Variants in SRSF7 observed in about 807,000 individuals in gnomAD.
SRSF7 encodes serine/arginine-rich splicing factor 7.
SRSF7 carries 15 observed loss-of-function variants against 42.2 expected under a neutral mutation model. The observed-to-expected ratio is 0.36, with a 90% CI of 0.24 to 0.55. SRSF7 has a LOEUF of 0.55. Among genes scored for constraint, SRSF7 ranks in the 20% least tolerant of loss-of-function variants. SRSF7 has a pLI of 0.88. For missense variants in SRSF7, 181 were observed against 305.9 expected (o/e 0.59, Z 3.04); for synonymous variants, 138 against 107.9 (o/e 1.28, Z -1.73).
At chr2:38,746,105 C>T (rs1301098635) in intron 7 of SRSF7, 39 bp downstream of exon 7, 1 of 1,613,004 alleles carries the variant, frequency 6.2e-7, no homozygotes, top group Non-Finnish European at 8.5e-7. Context: ...AGAGGCCACA[C>T]TTGACAGGCA....
intron 2 of SRSF7, 36 bp from the exon 3 acceptor site, chr2:38,749,741 A>C: frequency 6.7e-7 from 1 of 1,501,570 alleles, no homozygotes. Flanking sequence ...CTAAAGTTAA[A>C]AATATATTCA....
At chr2:38,747,241 TTA>T in intron 5 of SRSF7, 1 of 340,592 alleles carries the variant, frequency 2.9e-6, no homozygotes, top group Non-Finnish European at 6.1e-6. Flanking sequence ...CTGGATCAAG[TTA>T]TGTTTGAGAG....
chr2:38,745,984 T>C (rs755071403), intron 7 of SRSF7, among the ~76,000 whole-genome samples, 160 bp downstream of exon 7: 5 of 151,992 alleles, frequency 3.3e-5, no homozygotes, highest in Middle Eastern at 6.8e-3. Context: ...CTAATGTTAC[T>C]GAATCAAAAA....
chr2:38,746,111 A>T (rs1558608082), intron 7 of SRSF7, 33 bp downstream of exon 7: 1 of 1,613,370 alleles, frequency 6.2e-7, no homozygotes. Context: ...CACACTTGAC[A>T]GGCAAGATTT....
chr2:38,748,571 G>C lies in SRSF7; in HGVS notation c.461+8C>G, dbSNP rs1051055251. 33 of 1,613,072 alleles carry C rather than the reference G, an allele frequency of 2.0e-5. No individual in the cohort carries two copies. The highest frequency in any genetic ancestry group is 1.3e-4 in the African/African-American group (10 of 74,894). On this transcript the variant is annotated splice_region_variant and intron_variant, in intron 4 of 7. Transcript: ENST00000313117. The stretch of plus-strand genomic sequence containing the variant: ...ATACAGAAAGACTTCAGTTAAACAA[G>C]ATCTCACCTTCGTCCCCTGCTCCTG...
intron 3 of SRSF7, 176 bp downstream of exon 3, chr2:38,749,353 G>A: frequency 6.5e-7 from 1 of 1,538,034 alleles, no homozygotes; most frequent in Non-Finnish European, 8.8e-7. Context: ...AAACCTGAAA[G>A]GTTTTGACCA....
chr2:38,744,392 A>G lies in SRSF7; in HGVS notation c.*741T>C. 1 of 152,644 alleles carries G rather than the reference A, an allele frequency of 6.6e-6. No homozygotes were observed. The highest frequency in any genetic ancestry group is 1.5e-5 in the Non-Finnish European group (1 of 68,038). The allele number at this position is 152,644 out of a possible 1,614,324, so 9.5% of individuals were successfully genotyped here. On this transcript the variant is annotated 3_prime_UTR_variant, in exon 8 of 8. Coordinates refer to ENST00000313117, the MANE Select transcript of SRSF7 (RefSeq NM_001031684.3). ...TGGTTAACTAATGTAGAAAGCAAAG[A>G]AACAAGACCATTGAGAGTAGAACTC...
chr2:38,746,177 CG>C lies in SRSF7; in HGVS notation c.628del (p.Arg210AspfsTer37). On this transcript the variant is annotated frameshift_variant and splice_region_variant, in exon 7 of 8. Coordinates refer to ENST00000313117, the MANE Select transcript of SRSF7 (RefSeq NM_001031684.3). LOFTEE classifies it high-confidence loss of function. Reference protein sequence around the residue: ...SRSISRPRSSRSKSRSPSPKR... With the variant: ...SRSISRPRSSXSKSRSPSPKR... ...TGGAGATGGAGATCTGGACTTTGAT[CG>C]GCTGTCAAAACATGAGAAATTCTAT... 1 of 1,613,986 alleles carries C rather than the reference CG, an allele frequency of 6.2e-7. No homozygotes were observed. Among genetic ancestry groups the C allele is most frequent in the Non-Finnish European group, 8.5e-7 (1 of 1,179,974 alleles).
At chr2:38,751,430 C>G (rs934775031), upstream of SRSF7, 3 of 825,546 alleles carry the variant, frequency 3.6e-6, no homozygotes, top group African/African-American at 3.4e-5. Context: ...TCTCGTTGTT[C>G]TGCGCGGCAC....
chr2:38,748,118 A>T lies in SRSF7; in HGVS notation c.501T>A (p.Ser167=). 6.2e-7 allele frequency: 1 copy of T among 1,614,046 alleles called. No homozygotes were observed. The highest frequency in any genetic ancestry group is 1.7e-5 in the Admixed American group (1 of 60,006). ...GTGAAGCTGATCTTGATCTACGAAG[A>T]GAGATAGATCTTGATCGTCGAGGAG... ...SASPRRSRSI[S]LRRSRSASLR... Residue 167 remains serine, a synonymous_variant, in exon 5 of 8, where the codon TCT becomes TCA. Coordinates refer to ENST00000313117, the MANE Select transcript of SRSF7 (RefSeq NM_001031684.3).
intron 7 of SRSF7, among the ~76,000 whole-genome samples, chr2:38,745,836 C>G (rs927854345): frequency 1.1e-4 from 17 of 152,172 alleles, no homozygotes; most frequent in Admixed American, 1.0e-3. Context: ...AGACTTTTCT[C>G]CACACTTTGT....
intron 6 of SRSF7, 137 bp downstream of exon 6, chr2:38,746,557 C>T (rs1020825054): frequency 2.3e-6 from 3 of 1,311,506 alleles, no homozygotes; most frequent in African/African-American, 1.5e-5. Context: ...ATAGGACATA[C>T]ACAAATAAGG....
intron 5 of SRSF7, 53 bp downstream of exon 5, chr2:38,747,994 C>G (rs1361129513): frequency 3.0e-6 from 4 of 1,324,714 alleles, no homozygotes; most frequent in Admixed American, 3.6e-5. Context: ...AGACACTCTA[C>G]TGATAAGATG....
intron 4 of SRSF7, 114 bp from the exon 5 acceptor site, chr2:38,748,271 G>A (rs917191540): frequency 2.8e-5 from 22 of 794,940 alleles, no homozygotes; most frequent in Non-Finnish European, 4.5e-5. Context: ...CACTGCGGGA[G>A]GATCGTTTGA....
chr2:38,747,985 G>A, intron 5 of SRSF7, 62 bp downstream of exon 5: 1 of 1,224,220 alleles, frequency 8.2e-7, no homozygotes, highest in East Asian at 2.4e-5. Context: ...ATGTCCTTAA[G>A]ACACTCTACT....
chr2:38,747,283 A>G (rs963695875), intron 5 of SRSF7, among the ~76,000 whole-genome samples: 3 of 152,224 alleles, frequency 2.0e-5, no homozygotes, highest in African/African-American at 7.2e-5. Flanking sequence ...ACCAAATCAG[A>G]CTGACATATC....
intron 6 of SRSF7, 150 bp downstream of exon 6, chr2:38,746,544 T>C (rs773133012): frequency 8.4e-7 from 1 of 1,190,040 alleles, no homozygotes; most frequent in Non-Finnish European, 1.2e-6. Context: ...CAGCCAGTAA[T>C]AAATAGGACA....
At chr2:38,749,978 T>C (rs769036849) in intron 2 of SRSF7, 36 bp downstream of exon 2, 2 of 1,573,842 alleles carry the variant, frequency 1.3e-6, no homozygotes, top group South Asian at 1.2e-5. Flanking sequence ...CCACAGTATA[T>C]TTTAATGAAC....
chr2:38,744,028 G>A lies in SRSF7; in HGVS notation c.*1105C>T. The A allele has an allele frequency of 9.0e-4, 137 of 152,222 alleles. No individual in the cohort carries two copies. The highest frequency in any genetic ancestry group is 3.0e-3 in the African/African-American group (125 of 41,508). The allele number at this position is 152,222 out of a possible 1,614,324, so 9.4% of individuals were successfully genotyped here. A position where few individuals can be genotyped will look rare whatever the true frequency, so the allele number is the denominator to read the frequency against. ...TTTGAATAAAGAACCTACTGGCTAT[G>A]TAACATTCTAAGGTCTACCAGATGC... On this transcript the variant is annotated 3_prime_UTR_variant, in exon 8 of 8. Transcript: ENST00000313117.
Sources: gnomAD v4.1 joint callset for allele counts (sites outside exome capture counted in the v4.1 genomes callset) on GRCh38, gnomAD v4.1.1 for gene constraint, MANE v1.5 for transcripts, NCBI Gene and HGNC (gene_info 2026-07-23, HGNC 2026-07-21) for gene names.